The following EDA variants were observed in gnomAD, a reference collection of about 807,000 sequenced individuals.
The protein encoded by EDA is ectodysplasin A, also known as ectodysplasin-A.
EDA carries 2 observed loss-of-function variants against 23.6 expected under a neutral mutation model. The ratio of observed to expected loss-of-function variants is 0.08; its 90% CI spans 0.03 to 0.27. EDA has a LOEUF of 0.27. Among genes scored for constraint, EDA ranks in the 10% least tolerant of loss-of-function variants. EDA has a pLI of 1.00. For synonymous variants in EDA, 131 were observed against 132.0 expected, an observed-to-expected ratio of 0.99 and a Z score of 0.05; for missense variants, 229 against 324.2, an observed-to-expected ratio of 0.71 and a Z score of 2.26.
In EDA at chrX:69,776,529, C is replaced by T. The variant is rs759853557; in HGVS notation, c.396+159825C>T. On this transcript the variant is annotated intron_variant, in intron 1 of 7. Coordinates refer to ENST00000374552, the MANE Select transcript of EDA (RefSeq NM_001399.5). ...CCTTTCACCATGATTGTGAGGCCTC[C>T]CCAGCCATATGGAACTGTAGTCCAT... Among the ~76,000 whole-genome samples the T allele has an allele frequency of 3.6e-5, 4 of 111,366 alleles. No homozygotes were observed. The East Asian group carries it at 8.4e-4, about 24-fold the overall frequency.
chrX:69,616,702 C>G lies in EDA; in HGVS notation c.394C>G (p.Gln132Glu), dbSNP rs780262376. The change falls in exon 1 of 8, where the codon CAG becomes GAG. Residue 132 changes from glutamine to glutamate, a missense_variant and splice_region_variant. By Grantham distance (29) the Gln-to-Glu change is conservative. Coordinates refer to ENST00000374552, the MANE Select transcript of EDA (RefSeq NM_001399.5). The stretch of plus-strand genomic sequence containing the variant: ...CCACTCTGACTCCCAGGACGGGCAC[C>G]AGGTGAGTCACCTAGTAGGGGCGGC... Reference protein sequence around the residue: ...ALHSDSQDGHQMALLNFFFPD... With the variant: ...ALHSDSQDGHEMALLNFFFPD... 2 of 1,211,799 alleles carry G rather than the reference C, an allele frequency of 1.7e-6. No individual in the cohort carries two copies. The highest frequency in any genetic ancestry group is 1.7e-5 in the African/African-American group (1 of 57,898).
intron 3 of EDA, among the ~76,000 whole-genome samples, chrX:70,026,869 C>T (rs1020991871): frequency 2.7e-5 from 3 of 109,928 alleles, no homozygotes; most frequent in Non-Finnish European, 3.8e-5. Flanking sequence ...CTTTCCGTGC[C>T]CCTCTTCCTC....
chrX:69,763,215 G>C (rs1418061747), intron 1 of EDA, among the ~76,000 whole-genome samples: 3 of 112,171 alleles, frequency 2.7e-5, no homozygotes, highest in Non-Finnish European at 5.6e-5. Flanking sequence ...TGATAGGAGT[G>C]AGGGACATTT....
In EDA at chrX:69,793,432, G is replaced by A. The variant is rs190274179; in HGVS notation, c.397-163595G>A. On this transcript the variant is annotated intron_variant, in intron 1 of 7. Transcript: ENST00000374552. ...ACCAGTCAAATGGTTCTAGAGTTGG[G>A]AAATTCCAAGGTAGAGTGATGTTAT... is the stretch of plus-strand genomic sequence containing the variant. Among the ~76,000 whole-genome samples, 23 of 108,894 alleles carry A rather than the reference G, an allele frequency of 2.1e-4. 1 individual carries two copies. The highest frequency in any genetic ancestry group is 4.9e-4 in the Admixed American group (5 of 10,150). The allele number at this position is 108,894 out of a possible 115,157, so 94.6% of individuals were successfully genotyped here.
intron 1 of EDA, among the ~76,000 whole-genome samples, chrX:69,780,976 T>C (rs771957189): frequency 4.5e-5 from 5 of 112,195 alleles, no homozygotes; most frequent in Non-Finnish European, 9.4e-5. Flanking sequence ...ATGTACATTT[T>C]ATATAAATAG....
chrX:69,933,408 G>A (rs773114072), intron 1 of EDA, among the ~76,000 whole-genome samples: 1 of 111,875 alleles, frequency 8.9e-6, no homozygotes, highest in Admixed American at 9.5e-5. Context: ...TAGGCCTGGC[G>A]TGGTGGCTCA....
chrX:69,652,927 GTT>G (rs1394085104), intron 1 of EDA, among the ~76,000 whole-genome samples: 2 of 111,654 alleles, frequency 1.8e-5, no homozygotes, highest in African/African-American at 6.5e-5. Flanking sequence ...CTCCAGCTTT[GTT>G]CTTTTGGCTT....
At chrX:69,750,548 C>T (rs999095907) in intron 1 of EDA, among the ~76,000 whole-genome samples, 4 of 110,620 alleles carry the variant, frequency 3.6e-5, no homozygotes, top group African/African-American at 6.6e-5. Context: ...AGTAGTGGGA[C>T]GGCTGGGTCA....
At position 69,801,217 on chromosome X, in the gene EDA, A is replaced by G. The variant is rs1450698844; in HGVS notation, c.397-155810A>G. Among the ~76,000 whole-genome samples, 7 of 111,119 alleles carry G rather than the reference A, an allele frequency of 6.3e-5. No individual in the cohort carries two copies. In the East Asian group the frequency reaches 1.7e-3, roughly 27 times the overall value. On this transcript the variant is annotated intron_variant, in intron 1 of 7. Coordinates refer to ENST00000374552, the MANE Select transcript of EDA (RefSeq NM_001399.5). ...TTTTTGAGAGACAGGGTCTTGCTCTATCGCCCAGGCTGGAGTACAGTACCA... is the reference window on the plus strand; with the variant it reads ...TTTTTGAGAGACAGGGTCTTGCTCTGTCGCCCAGGCTGGAGTACAGTACCA...
intron 1 of EDA, among the ~76,000 whole-genome samples, chrX:69,794,027 C>T (rs993754603): frequency 5.4e-5 from 6 of 111,474 alleles, no homozygotes; most frequent in Non-Finnish European, 1.1e-4. Context: ...TTTATTCACT[C>T]AACAAATATT....
intron 1 of EDA, among the ~76,000 whole-genome samples, chrX:69,822,812 G>C (rs2016269085): frequency 9.4e-6 from 1 of 105,920 alleles, no homozygotes; most frequent in Non-Finnish European, 1.9e-5. Context: ...TCGTCATCCA[G>C]CATTAGGTAT....
intron 1 of EDA, among the ~76,000 whole-genome samples, chrX:69,658,027 G>T (rs982167694): frequency 1.8e-5 from 2 of 111,266 alleles, no homozygotes; most frequent in Non-Finnish European, 3.8e-5. Flanking sequence ...AATTTGATAG[G>T]AATAGCATTG....
intron 1 of EDA, among the ~76,000 whole-genome samples, chrX:69,759,695 A>T (rs1038895885): frequency 2.7e-5 from 3 of 111,424 alleles, no homozygotes; most frequent in Non-Finnish European, 5.6e-5. Flanking sequence ...GCCCCATGGT[A>T]GGTGGTCTTC....
intron 2 of EDA, among the ~76,000 whole-genome samples, chrX:70,000,461 G>C (rs2019725236): frequency 8.9e-6 from 1 of 112,229 alleles, no homozygotes; most frequent in Non-Finnish European, 1.9e-5. Context: ...ATAATTGAAA[G>C]AATTAACTGA....
At chrX:69,737,218 T>C (rs2013296167) in intron 1 of EDA, among the ~76,000 whole-genome samples, 1 of 112,494 alleles carries the variant, frequency 8.9e-6, no homozygotes, top group Non-Finnish European at 1.9e-5. Flanking sequence ...ATTTGGATGT[T>C]TGGATAATTT....
At chrX:69,786,297 C>A (rs1438993028) in intron 1 of EDA, among the ~76,000 whole-genome samples, 2 of 109,714 alleles carry the variant, frequency 1.8e-5, no homozygotes, top group African/African-American at 6.6e-5. Flanking sequence ...TCCTTCAGTT[C>A]TGCTCTGATT....
chrX:69,741,931 G>A (rs2013471581), intron 1 of EDA, among the ~76,000 whole-genome samples: 1 of 112,001 alleles, frequency 8.9e-6, no homozygotes, highest in African/African-American at 3.2e-5. Flanking sequence ...CCCTAGGGGA[G>A]AGTTTTGGAG....
intron 1 of EDA, among the ~76,000 whole-genome samples, chrX:69,734,250 T>A (rs1468789627): frequency 9.0e-6 from 1 of 111,619 alleles, no homozygotes; most frequent in Non-Finnish European, 1.9e-5. Flanking sequence ...TATTCTCTTA[T>A]TATCTTTTAA....
chrX:69,955,098 G>A (rs1343731784), intron 1 of EDA, among the ~76,000 whole-genome samples: 1 of 111,963 alleles, frequency 8.9e-6, no homozygotes, highest in Non-Finnish European at 1.9e-5. Flanking sequence ...AGTTGCAAAT[G>A]ATTGAGATTT....
Sources: allele counts gnomAD v4.1 joint callset (sites outside exome capture counted in the v4.1 genomes callset), GRCh38; gene constraint gnomAD v4.1.1; transcripts MANE v1.5; gene names NCBI Gene and HGNC (gene_info 2026-07-23, HGNC 2026-07-21).